The following CPSF2 variants were observed in gnomAD, a reference collection of about 807,000 sequenced individuals.
The protein encoded by CPSF2 is cleavage and polyadenylation specificity factor subunit 2.
CPSF2 carries 51 observed loss-of-function variants against 84.2 expected under a neutral mutation model. The ratio of observed to expected loss-of-function variants is 0.61; its 90% CI spans 0.48 to 0.77. The LOEUF (loss-of-function observed/expected upper bound fraction) is 0.77, where lower values mean the gene tolerates loss of function less well. CPSF2 is among the 30% of genes least tolerant of loss of function. The pLI, the probability that CPSF2 is intolerant of heterozygous loss-of-function variation, is 0.00. For synonymous variants in CPSF2, 286 were observed against 311.9 expected, an observed-to-expected ratio of 0.92 and a Z score of 0.87; for missense variants, 641 against 929.4, an observed-to-expected ratio of 0.69 and a Z score of 4.03.
chr14:92,161,398 A>G, intron 15 of CPSF2, 152 bp downstream of exon 15: 1 of 862,226 alleles, frequency 1.2e-6, no homozygotes, highest in Non-Finnish European at 1.7e-6. Flanking sequence ...CAGAAGTCTT[A>G]TTGACTTGAA....
intron 12 of CPSF2, among the ~76,000 whole-genome samples, 162 bp downstream of exon 12, chr14:92,156,793 G>T (rs1296396791): frequency 6.6e-6 from 1 of 152,088 alleles, no homozygotes; most frequent in Non-Finnish European, 1.5e-5. Flanking sequence ...AAGTATGGTG[G>T]CATGATATTT....
intron 10 of CPSF2, among the ~76,000 whole-genome samples, chr14:92,154,735 G>C (rs374026477): frequency 4.6e-5 from 7 of 152,294 alleles, no homozygotes; most frequent in African/African-American, 1.7e-4. Context: ...AGTGTCGTTA[G>C]GGGATTTAGT....
rs192787247 is a variant in CPSF2, at chr14:92,169,003, C to T, written c.*7259C>T. 43 of 152,264 alleles carry T rather than the reference C, an allele frequency of 2.8e-4. No individual in the cohort carries two copies. The highest frequency in any genetic ancestry group is 9.6e-4 in the African/African-American group (40 of 41,560). 9.4% of individuals were successfully genotyped at this position (152,264 alleles called of 1,614,324 possible). On this transcript the variant is annotated 3_prime_UTR_variant, in exon 16 of 16. Transcript: ENST00000298875. The stretch of plus-strand genomic sequence containing the variant: ...GAGAATATATAAAGGACTCGTGAGG[C>T]CTTCCTACCTCATTTTCTGAGGTTA...
chr14:92,161,273 A>G, intron 15 of CPSF2, 27 bp downstream of exon 15: 1 of 1,591,952 alleles, frequency 6.3e-7, no homozygotes, highest in Non-Finnish European at 8.5e-7. Context: ...TAAGGGCTGA[A>G]TTGAACACAT....
rs147491880 is a variant in CPSF2 at position 92,135,625 on chromosome 14, G to A, written c.545+129G>A. The A allele has an allele frequency of 1.5e-4, 127 of 823,502 alleles. No homozygotes were observed. In the Middle Eastern group the frequency reaches 2.4e-3, roughly 16 times the overall value. 51.0% of individuals were successfully genotyped at this position (823,502 alleles called of 1,614,324 possible). A position where few individuals can be genotyped will look rare whatever the true frequency, so the allele number is the denominator to read the frequency against. On this transcript the variant is annotated intron_variant, in intron 6 of 15. Coordinates refer to ENST00000298875, the MANE Select transcript of CPSF2 (RefSeq NM_017437.3). Reference sequence around the variant, plus strand: ...AGAGCAACTTAAAACCGTCAAATAGGGAGTGTTTTCAAAATTAATTATTTG... The same window carrying A: ...AGAGCAACTTAAAACCGTCAAATAGAGAGTGTTTTCAAAATTAATTATTTG...
intron 8 of CPSF2, 128 bp downstream of exon 8, chr14:92,142,479 C>A: frequency 1.5e-6 from 1 of 682,084 alleles, no homozygotes; most frequent in Non-Finnish European, 2.5e-6. Context: ...GATAACTTGG[C>A]ATTAACCATT....
chr14:92,134,294 T>C lies in CPSF2; in HGVS notation c.354T>C (p.Asp118=). 2 of 1,613,792 alleles carry C rather than the reference T, an allele frequency of 1.2e-6. No individual in the cohort carries two copies. Among genetic ancestry groups the C allele is most frequent in the East Asian group, 4.5e-5 (2 of 44,858 alleles). The part of the protein sequence containing the change: ...TEDFTLFTLD[D]VDAAFDKIQQ... Reference sequence around the variant, plus strand: ...ATTTTACACTCTTTACATTAGATGATGTGGATGCAGCCTTTGATAAAATAC... The same window carrying C: ...ATTTTACACTCTTTACATTAGATGACGTGGATGCAGCCTTTGATAAAATAC... The change falls in exon 5 of 16, where the codon GAT becomes GAC. Residue 118 remains aspartate (D), a synonymous_variant. Coordinates refer to ENST00000298875, the MANE Select transcript of CPSF2 (RefSeq NM_017437.3).
At chr14:92,153,703 CTT>C (rs35788212) in intron 9 of CPSF2, among the ~76,000 whole-genome samples, 2 of 131,276 alleles carry the variant, frequency 1.5e-5, no homozygotes, top group Admixed American at 7.8e-5. Flanking sequence ...CCACTACTGG[CTT>C]TTTTTTTTTT....
At chr14:92,156,363 T>A in intron 11 of CPSF2, 116 bp from the exon 12 acceptor site, 1 of 722,234 alleles carries the variant, frequency 1.4e-6, no homozygotes. Context: ...GGATGAAATG[T>A]ATATTTAAAT....
intron 7 of CPSF2, among the ~76,000 whole-genome samples, chr14:92,140,103 G>T (rs1281030648): frequency 6.6e-6 from 1 of 151,674 alleles, no homozygotes; most frequent in South Asian, 2.1e-4. Context: ...ACAGGTGTGC[G>T]CCACTACGCC....
chr14:92,150,404 G>T (rs755719137), intron 9 of CPSF2, among the ~76,000 whole-genome samples: 10 of 151,556 alleles, frequency 6.6e-5, no homozygotes, highest in Non-Finnish European at 1.0e-4. Flanking sequence ...TTACAGGCGC[G>T]AGTCACCGCA....
chr14:92,124,651 T>C (rs1595047250), intron 1 of CPSF2, among the ~76,000 whole-genome samples: 1 of 152,226 alleles, frequency 6.6e-6, no homozygotes, highest in Non-Finnish European at 1.5e-5. Context: ...TGCACTGTTA[T>C]GGTAGTCACT....
chr14:92,143,339 T>A, intron 9 of CPSF2, 45 bp downstream of exon 9: 1 of 1,255,374 alleles, frequency 8.0e-7, no homozygotes, highest in Non-Finnish European at 1.1e-6. Context: ...GTTTGGGGGA[T>A]ACATTGTGCA....
At position 92,157,363 on chromosome 14, in the gene CPSF2, C is replaced by T. The variant is rs918851266; in HGVS notation, c.1596-296C>T. ...TCTCTACTGAAAATGCAAAATTATC[C>T]CTGCGTGGTGGTGCATGCCTATAAT... On this transcript the variant is annotated intron_variant, in intron 12 of 15. Coordinates refer to ENST00000298875, the MANE Select transcript of CPSF2 (RefSeq NM_017437.3). This position sits in a 1 kb window ranked among gnomAD's most constrained non-coding sequence, Gnocchi z 4.0. Among the ~76,000 whole-genome samples, 9 of 151,890 alleles carry T rather than the reference C, an allele frequency of 5.9e-5. No homozygotes were observed. Among genetic ancestry groups the T allele is most frequent in the Non-Finnish European group, 1.3e-4 (9 of 67,966 alleles).
rs746764938 is a variant in CPSF2, at chr14:92,156,634, A to G, written c.1595+3A>G. 6.5e-7 allele frequency: 1 copy of G among 1,534,416 alleles called. No individual in the cohort carries two copies. The highest frequency in any genetic ancestry group is 8.8e-7 in the Non-Finnish European group (1 of 1,134,120). On this transcript the variant is annotated splice_donor_region_variant and intron_variant, in intron 12 of 15. Transcript: ENST00000298875. ...ACAACAGAGTCTATTGAAATAAAGT[A>G]AGTGCTTTTGTGACATTTTGAAAAT...
At chr14:92,129,877 A>G (rs1377891091) in intron 2 of CPSF2, among the ~76,000 whole-genome samples, 4 of 151,986 alleles carry the variant, frequency 2.6e-5, no homozygotes, top group Admixed American at 1.3e-4. Flanking sequence ...CCTTCTGAGT[A>G]GCTAGGACTA....
At chr14:92,126,685 C>T (rs2068849643) in intron 2 of CPSF2, among the ~76,000 whole-genome samples, 1 of 151,830 alleles carries the variant, frequency 6.6e-6, no homozygotes, top group Admixed American at 6.6e-5. Flanking sequence ...TGCCCGTAGT[C>T]CCAGCTACCC....
In CPSF2 at chr14:92,147,980, C is replaced by T. The variant is rs149149873; in HGVS notation, c.1140+4686C>T. Among the ~76,000 whole-genome samples, 208 of 152,334 alleles carry T rather than the reference C, an allele frequency of 1.4e-3. 2 individuals are homozygous for T. In the East Asian group the frequency reaches 0.032, roughly 23 times the overall value. On this transcript the variant is annotated intron_variant, in intron 9 of 15. Coordinates refer to ENST00000298875, the MANE Select transcript of CPSF2 (RefSeq NM_017437.3). Reference sequence around the variant, plus strand: ...CCTCAAACAATTCTCCCACCTTGGCCTCCCAAAGTGTGGGTATTATAGGTG... The same window carrying T: ...CCTCAAACAATTCTCCCACCTTGGCTTCCCAAAGTGTGGGTATTATAGGTG...
At chr14:92,125,493 T>C (rs2068834298) in intron 1 of CPSF2, among the ~76,000 whole-genome samples, 1 of 152,130 alleles carries the variant, frequency 6.6e-6, no homozygotes, top group Non-Finnish European at 1.5e-5. Flanking sequence ...TCTCCCTGCT[T>C]TCTGTATCAT....
Sources: allele counts gnomAD v4.1 joint callset (sites outside exome capture counted in the v4.1 genomes callset), GRCh38; gene constraint gnomAD v4.1.1; non-coding constraint Gnocchi (gnomAD v3.1); transcripts MANE v1.5; gene names NCBI Gene and HGNC (gene_info 2026-07-23, HGNC 2026-07-21).